Variants in GRM8 observed in about 807,000 individuals in gnomAD.
GRM8 encodes the protein metabotropic glutamate receptor 8.
A neutral mutation model predicts 87.2 loss-of-function variants in GRM8; 47 were observed. That is an observed-to-expected ratio of 0.54 (90% CI 0.43 to 0.69). The LOEUF is 0.69. Among genes scored for constraint, GRM8 ranks in the 30% least tolerant of loss-of-function variants. The probability of loss-of-function intolerance (pLI) is 0.00; values close to 1 mark genes in which losing one functional copy is unlikely to be tolerated. For missense variants in GRM8, 1,019 were observed against 1,139.2 expected (o/e 0.89, Z 1.52); for synonymous variants, 396 against 404.5 (o/e 0.98, Z 0.25).
At chr7:127,229,246 G>A (rs998535271) in intron 2 of GRM8, 2 of 152,116 alleles carry the variant, frequency 1.3e-5, no homozygotes, top group Non-Finnish European at 2.9e-5. Flanking sequence ...CAGACCCTTG[G>A]CCCCAAACAA....
intron 3 of GRM8, among the ~76,000 whole-genome samples, chr7:126,963,687 C>T (rs1368731635): frequency 6.6e-6 from 1 of 152,140 alleles, no homozygotes; most frequent in Non-Finnish European, 1.5e-5. Flanking sequence ...AATGGAAAGA[C>T]ATTCCATGCT....
chr7:126,932,440 AG>A (rs1024918056), intron 3 of GRM8, among the ~76,000 whole-genome samples: 1 of 152,340 alleles, frequency 6.6e-6, no homozygotes, highest in Admixed American at 6.5e-5. Context: ...AACTGAATAA[AG>A]AATTACCACA....
chr7:127,020,832 A>G (rs1816190522), intron 3 of GRM8, among the ~76,000 whole-genome samples: 1 of 152,052 alleles, frequency 6.6e-6, no homozygotes, highest in African/African-American at 2.4e-5. Flanking sequence ...ATCATCATAA[A>G]TCAGGAAACA....
intron 2 of GRM8, among the ~76,000 whole-genome samples, chr7:127,143,669 G>T (rs1426450246): frequency 6.6e-6 from 1 of 152,072 alleles, no homozygotes; most frequent in East Asian, 1.9e-4. Context: ...TTTAACAAAG[G>T]CCATGTAGCT....
chr7:126,763,909 C>A (rs540337115), intron 7 of GRM8, among the ~76,000 whole-genome samples: 18 of 151,820 alleles, frequency 1.2e-4, no homozygotes, highest in Non-Finnish European at 2.2e-4. Flanking sequence ...TCCGTTTTTT[C>A]AAATATGTTG....
intron 2 of GRM8, among the ~76,000 whole-genome samples, chr7:127,238,415 C>G (rs1394811339): frequency 6.6e-6 from 1 of 151,760 alleles, no homozygotes; most frequent in Non-Finnish European, 1.5e-5. Context: ...GTTTCCACTC[C>G]CAACACACCT....
chr7:126,553,792 A>G (rs1410049199), intron 8 of GRM8, among the ~76,000 whole-genome samples: 1 of 152,182 alleles, frequency 6.6e-6, no homozygotes. Context: ...TGATGTTTGT[A>G]AAAATGGATA....
At chr7:126,461,673 T>C (rs1402294045) in intron 9 of GRM8, among the ~76,000 whole-genome samples, 1 of 151,622 alleles carries the variant, frequency 6.6e-6, no homozygotes, top group East Asian at 1.9e-4. Context: ...GTTGCCTTCA[T>C]TCATTGGAGG....
At chr7:126,827,148 G>T (rs1048785810) in intron 6 of GRM8, among the ~76,000 whole-genome samples, 5 of 152,182 alleles carry the variant, frequency 3.3e-5, no homozygotes, top group African/African-American at 1.2e-4. Context: ...GTCAGGTAGC[G>T]TGATGCCTTC....
At chr7:127,051,519 C>T (rs919900246) in intron 3 of GRM8, among the ~76,000 whole-genome samples, 5 of 152,006 alleles carry the variant, frequency 3.3e-5, no homozygotes, top group African/African-American at 1.2e-4. Flanking sequence ...GATCCACCAG[C>T]AGAAAAACTC....
At chr7:126,895,199 C>T (rs1801427045) in intron 6 of GRM8, among the ~76,000 whole-genome samples, 1 of 152,070 alleles carries the variant, frequency 6.6e-6, no homozygotes, top group African/African-American at 2.4e-5. Flanking sequence ...GTATATAAAG[C>T]TGGCTACTGA....
At chr7:127,064,307 G>A (rs1489188841) in intron 3 of GRM8, among the ~76,000 whole-genome samples, 3 of 152,118 alleles carry the variant, frequency 2.0e-5, no homozygotes, top group Admixed American at 1.3e-4. Context: ...GGGTGTTCCT[G>A]TGTTGAGTGT....
chr7:126,872,269 T>G (rs1324522932), intron 6 of GRM8, among the ~76,000 whole-genome samples: 2 of 152,120 alleles, frequency 1.3e-5, no homozygotes, highest in Non-Finnish European at 2.9e-5. Context: ...TTTCCTAACC[T>G]TTCCCCATTT....
At position 126,478,008 on chromosome 7, in the gene GRM8, T is replaced by C. The variant is rs139511814; in HGVS notation, c.2431-31636A>G. The stretch of plus-strand genomic sequence containing the variant: ...TTCAATCTCTGCTTCCATGTCCACA[T>C]GGCCTTCTCTTCTACTCTAAGGACA... On this transcript the variant is annotated intron_variant, in intron 9 of 10. Coordinates refer to ENST00000339582, the MANE Select transcript of GRM8 (RefSeq NM_000845.3). 8.5e-4 allele frequency among the ~76,000 whole-genome samples: 130 copies of C among 152,262 alleles called. 1 individual carries two copies. The highest frequency in any genetic ancestry group is 3.1e-3 in the African/African-American group (127 of 41,570).
intron 2 of GRM8, among the ~76,000 whole-genome samples, chr7:127,150,851 C>T (rs1194069921): frequency 6.6e-6 from 1 of 152,040 alleles, no homozygotes; most frequent in Non-Finnish European, 1.5e-5. Context: ...ATTAGAGAAA[C>T]CCTCCAGATG....
At position 127,144,979 on chromosome 7, in the gene GRM8, C is replaced by T. The variant is rs17869371; in HGVS notation, c.511-38267G>A. Among the ~76,000 whole-genome samples the T allele has an allele frequency of 4.9e-4, 75 of 152,148 alleles. No individual in the cohort carries two copies. The East Asian group carries it at 0.013, about 27-fold the overall frequency. ...TGTTTCTTTAATATATGCATCTTTT[C>T]CCCAAAATATTTGCATTAAGTCGAC... On this transcript the variant is annotated intron_variant, in intron 2 of 10. Coordinates refer to ENST00000339582, the MANE Select transcript of GRM8 (RefSeq NM_000845.3).
At chr7:127,007,696 T>C (rs1814454905) in intron 3 of GRM8, among the ~76,000 whole-genome samples, 1 of 152,086 alleles carries the variant, frequency 6.6e-6, no homozygotes, top group African/African-American at 2.4e-5. Flanking sequence ...TTTATAAAGA[T>C]GCCAAGTGAA....
At chr7:127,186,218 T>C (rs1374846752) in intron 2 of GRM8, among the ~76,000 whole-genome samples, 1 of 152,102 alleles carries the variant, frequency 6.6e-6, no homozygotes, top group Non-Finnish European at 1.5e-5. Flanking sequence ...ACTATTAATG[T>C]CTTGGTGGGG....
chr7:126,940,954 A>G (rs1198418547), intron 3 of GRM8, among the ~76,000 whole-genome samples: 1 of 152,178 alleles, frequency 6.6e-6, no homozygotes, highest in East Asian at 1.9e-4. Flanking sequence ...CTTTCTAGCT[A>G]TCTGTTTGCA....
Sources: gnomAD v4.1 joint callset for allele counts (sites outside exome capture counted in the v4.1 genomes callset) on GRCh38, gnomAD v4.1.1 for gene constraint, MANE v1.5 for transcripts, NCBI Gene and HGNC (gene_info 2026-07-23, HGNC 2026-07-21) for gene names.